The following SEMA3A variants were observed in gnomAD, a reference collection of about 807,000 sequenced individuals.
SEMA3A encodes semaphorin 3A.
In SEMA3A, 29 loss-of-function variants were observed where a neutral mutation model predicts 97.9. That is an observed-to-expected ratio of 0.30 (90% CI 0.22 to 0.40). SEMA3A has a LOEUF of 0.40. SEMA3A is among the 10% of genes least tolerant of loss of function. The pLI is 1.00. For synonymous variants in SEMA3A, 321 were observed against 323.7 expected, an observed-to-expected ratio of 0.99 and a Z score of 0.09; for missense variants, 763 against 951.3, an observed-to-expected ratio of 0.80 and a Z score of 2.60.
intron 4 of SEMA3A, among the ~76,000 whole-genome samples, chr7:84,067,524 C>T (rs1309227537): frequency 6.6e-6 from 1 of 151,930 alleles, no homozygotes; most frequent in African/African-American, 2.4e-5. Context: ...ACCTACTCAT[C>T]TGACAAAGGG....
intron 1 of SEMA3A, among the ~76,000 whole-genome samples, chr7:84,450,970 CTGTTAAT>C (rs1805539694): frequency 6.6e-6 from 1 of 152,098 alleles, no homozygotes; most frequent in African/African-American, 2.4e-5. Context: ...CCTTTTCACT[CTGTTAAT>C]TGTTTGCTTT....
chr7:84,386,470 T>C (rs1475122856), intron 1 of SEMA3A, among the ~76,000 whole-genome samples: 3 of 152,136 alleles, frequency 2.0e-5, no homozygotes, highest in African/African-American at 7.2e-5. Context: ...TGATGCTTCC[T>C]CCCACACTTT....
At chr7:84,079,046 TTC>T (rs751976702) in intron 4 of SEMA3A, among the ~76,000 whole-genome samples, 1 of 152,040 alleles carries the variant, frequency 6.6e-6, no homozygotes, top group East Asian at 1.9e-4. Context: ...TATAAATAAT[TTC>T]TCTCACTGGT....
At chr7:84,306,189 T>C (rs1183086351) in intron 3 of SEMA3A, among the ~76,000 whole-genome samples, 3 of 151,886 alleles carry the variant, frequency 2.0e-5, no homozygotes, top group Non-Finnish European at 4.4e-5. Context: ...TGTATGTAAA[T>C]GATATTTCCA....
chr7:84,165,811 C>T (rs1009990566), intron 1 of SEMA3A, among the ~76,000 whole-genome samples: 2 of 152,166 alleles, frequency 1.3e-5, no homozygotes, highest in Non-Finnish European at 2.9e-5. Context: ...CCTCCGCCTC[C>T]CAAAGTGCTG....
chr7:84,375,639 C>A (rs1422341130), intron 1 of SEMA3A, among the ~76,000 whole-genome samples: 2 of 152,054 alleles, frequency 1.3e-5, no homozygotes, highest in Admixed American at 6.6e-5. Flanking sequence ...ATAATCAAAT[C>A]AGGTTAATTA....
chr7:84,486,954 CTCTG>C (rs1219511228), intron 1 of SEMA3A, among the ~76,000 whole-genome samples: 2 of 147,986 alleles, frequency 1.4e-5, no homozygotes, highest in Non-Finnish European at 3.0e-5. Flanking sequence ...AACGATTCCT[CTCTG>C]TCTCTCTCAT....
chr7:84,110,318 TCACAGA>T, intron 4 of SEMA3A, 146 bp downstream of exon 4: 1 of 790,498 alleles, frequency 1.3e-6, no homozygotes, highest in Admixed American at 2.8e-5. Flanking sequence ...CTTTTTGCAT[TCACAGA>T]TTAAAATTAA....
At chr7:84,471,023 CAAAT>C (rs1806131880) in intron 1 of SEMA3A, among the ~76,000 whole-genome samples, 1 of 152,004 alleles carries the variant, frequency 6.6e-6, no homozygotes, top group Admixed American at 6.6e-5. Context: ...TTCCAAAAAG[CAAAT>C]ACACTGAAAT....
At chr7:84,488,586 G>C (rs1806644087) in intron 1 of SEMA3A, among the ~76,000 whole-genome samples, 1 of 152,088 alleles carries the variant, frequency 6.6e-6, no homozygotes, top group Admixed American at 6.6e-5. Context: ...ACATCGCTGG[G>C]TTGGAAATAC....
chr7:84,043,593 C>A (rs757078367), intron 6 of SEMA3A, among the ~76,000 whole-genome samples: 1 of 152,086 alleles, frequency 6.6e-6, no homozygotes, highest in Admixed American at 6.6e-5. Flanking sequence ...TGCCTCAAAA[C>A]TCATTTATTT....
rs149246153 is a variant in SEMA3A, at chr7:84,370,251, T to C, written c.-169+1573A>G. Among the ~76,000 whole-genome samples, 527 of 151,744 alleles carry C rather than the reference T, an allele frequency of 3.5e-3. 3 individuals are homozygous for C. Among genetic ancestry groups the C allele is most frequent in the Non-Finnish European group, 5.6e-3 (377 of 67,656 alleles). ...AAAAGAAGTTGTGTTTAAGAATTTA[T>C]AGGGATTTAATGTGATAATATATGT... On this transcript the variant is annotated intron_variant, in intron 2 of 3. Coordinates refer to the SEMA3A transcript ENST00000424555.
intron 1 of SEMA3A, among the ~76,000 whole-genome samples, chr7:84,378,828 AT>A (rs1038440624): frequency 2.0e-5 from 3 of 152,012 alleles, no homozygotes; most frequent in African/African-American, 7.2e-5. Flanking sequence ...GTGGATCTAC[AT>A]TTATTATTTG....
intron 2 of SEMA3A, among the ~76,000 whole-genome samples, chr7:84,340,366 C>A (rs1802134336): frequency 6.6e-6 from 1 of 152,046 alleles, no homozygotes; most frequent in Admixed American, 6.6e-5. Flanking sequence ...GCCATAGAAT[C>A]ATACTAAATT....
At chr7:84,412,014 GC>G (rs1162907594) in intron 1 of SEMA3A, among the ~76,000 whole-genome samples, 97 of 152,154 alleles carry the variant, frequency 6.4e-4, no homozygotes, top group African/African-American at 2.2e-3. Flanking sequence ...AACACTTCTT[GC>G]TTTCTTTCCT....
At position 84,095,164 on chromosome 7, in the gene SEMA3A, GCA is replaced by G. The variant is rs1456927239; in HGVS notation, c.453+15304_453+15305del. Among the ~76,000 whole-genome samples the G allele has an allele frequency of 5.5e-5, 8 of 144,434 alleles. No individual in the cohort carries two copies. In the East Asian group the frequency reaches 6.0e-4, roughly 11 times the overall value. 94.8% of individuals were successfully genotyped at this position (144,434 alleles called of 152,430 possible). On this transcript the variant is annotated intron_variant, in intron 4 of 16. Coordinates refer to ENST00000265362, the MANE Select transcript of SEMA3A (RefSeq NM_006080.3). ...GCATATTATATATTGTATATATATTGCACATATCTCTCTATATATTGCTATAT... is the reference window on the plus strand; with the variant it reads ...GCATATTATATATTGTATATATATTGCATATCTCTCTATATATTGCTATAT...
intron 1 of SEMA3A, among the ~76,000 whole-genome samples, chr7:84,463,399 C>T (rs1805910433): frequency 6.6e-6 from 1 of 151,662 alleles, no homozygotes; most frequent in South Asian, 2.1e-4. Flanking sequence ...CAGGCACCTG[C>T]CACCACGCCC....
intron 1 of SEMA3A, among the ~76,000 whole-genome samples, chr7:84,457,961 C>T (rs986734029): frequency 6.6e-6 from 1 of 151,896 alleles, no homozygotes; most frequent in Non-Finnish European, 1.5e-5. Context: ...ATGAAGAAAG[C>T]CACCTTGGTA....
intron 1 of SEMA3A, among the ~76,000 whole-genome samples, chr7:84,448,341 T>G (rs1338331198): frequency 6.6e-6 from 1 of 152,144 alleles, no homozygotes; most frequent in Admixed American, 6.5e-5. Context: ...AAAATCCAAG[T>G]TGAAAAAGAA....
Sources: gnomAD v4.1 joint callset for allele counts (sites outside exome capture counted in the v4.1 genomes callset) on GRCh38, gnomAD v4.1.1 for gene constraint, MANE v1.5 for transcripts, NCBI Gene and HGNC (gene_info 2026-07-23, HGNC 2026-07-21) for gene names.